PARP1: variants seen among roughly 807,000 people sequenced by gnomAD.
PARP1 encodes poly [ADP-ribose] polymerase 1.
In PARP1, 44 loss-of-function variants were observed where a neutral mutation model predicts 118.7. The ratio of observed to expected loss-of-function variants is 0.37; its 90% CI spans 0.29 to 0.48. The LOEUF (loss-of-function observed/expected upper bound fraction) is 0.48, where lower values mean the gene tolerates loss of function less well. PARP1 is among the 20% of genes least tolerant of loss of function. The pLI, the probability that PARP1 is intolerant of heterozygous loss-of-function variation, is 0.99. For missense variants in PARP1, 1,100 were observed against 1,272.4 expected, an observed-to-expected ratio of 0.86 and a Z score of 2.06; for synonymous variants, 492 against 483.2, an observed-to-expected ratio of 1.02 and a Z score of -0.24.
intron 5 of PARP1, among the ~76,000 whole-genome samples, chr1:226,388,266 G>T (rs940543756): frequency 3.3e-5 from 5 of 152,200 alleles, no homozygotes; most frequent in African/African-American, 1.2e-4. Flanking sequence ...TCTATGCTAA[G>T]AATCTTTGGC....
chr1:226,385,686 G>A lies in PARP1; in HGVS notation c.835-6C>T, dbSNP rs1426976809. On this transcript the variant is annotated splice_polypyrimidine_tract_variant and splice_region_variant and intron_variant, in intron 6 of 22. Coordinates refer to ENST00000366794, the MANE Select transcript of PARP1 (RefSeq NM_001618.4). ...TCAGCTACTCGGTCCAAGATCTGCAGCCAGTGGAGAAACATGTCAGAGGGC... is the reference window on the plus strand; with the variant it reads ...TCAGCTACTCGGTCCAAGATCTGCAACCAGTGGAGAAACATGTCAGAGGGC... The A allele has an allele frequency of 3.7e-6, 6 of 1,613,910 alleles. No homozygotes were observed. The highest frequency in any genetic ancestry group is 5.1e-6 in the Non-Finnish European group (6 of 1,179,784).
At chr1:226,394,576 C>T (rs1664878281) in intron 2 of PARP1, among the ~76,000 whole-genome samples, 1 of 152,170 alleles carries the variant, frequency 6.6e-6, no homozygotes, top group African/African-American at 2.4e-5. Context: ...AAGTTTGCAG[C>T]AGCTCTACGT....
intron 8 of PARP1, 139 bp downstream of exon 8, chr1:226,382,897 G>A: frequency 3.2e-6 from 3 of 928,750 alleles, no homozygotes. Flanking sequence ...ATCCCCTGCA[G>A]GGCAAGGCTT....
At chr1:226,400,663 C>G (rs957846300) in intron 2 of PARP1, among the ~76,000 whole-genome samples, 1 of 152,188 alleles carries the variant, frequency 6.6e-6, no homozygotes, top group Non-Finnish European at 1.5e-5. Context: ...TCTTTCAAAA[C>G]CAGGGACTGA....
intron 13 of PARP1, among the ~76,000 whole-genome samples, chr1:226,376,292 A>G (rs1336316493): frequency 1.3e-5 from 2 of 152,278 alleles, no homozygotes; most frequent in East Asian, 1.9e-4. Flanking sequence ...AGCATTTTGC[A>G]AAGAAAAAAG....
rs149379562 is a variant in PARP1 at position 226,392,352 on chromosome 1, G to T, written c.287-38C>A. The T allele has an allele frequency of 1.3e-3, 1,918 of 1,445,826 alleles. 24 individuals carry two copies. The African/African-American group carries it at 0.024, about 18-fold the overall frequency. The allele number at this position is 1,445,826 out of a possible 1,614,324, so 89.6% of individuals were successfully genotyped here. On this transcript the variant is annotated intron_variant, in intron 2 of 22. Transcript: ENST00000366794. ...ACAGACAGCAATGCTCATCTCAACA[G>T]CCCCAAAATGCAGCTCAGAGGAGCC...
At chr1:226,388,581 G>T (rs1000277161) in intron 5 of PARP1, 75 bp downstream of exon 5, 10 of 1,056,794 alleles carry the variant, frequency 9.5e-6, no homozygotes, top group Non-Finnish European at 1.5e-5. Context: ...ACAACTCCTT[G>T]AATTGTCTTC....
At position 226,370,617 on chromosome 1, in the gene PARP1, C is replaced by T. The variant is rs116578167; in HGVS notation, c.2071-100G>A. On this transcript the variant is annotated intron_variant, in intron 14 of 22. Coordinates refer to ENST00000366794, the MANE Select transcript of PARP1 (RefSeq NM_001618.4). ...CCCACCCTCAGGCCCCCAACAGGAGCAGTCAGGAGCCTGCTGGGATTTCCT... is the reference window on the plus strand; with the variant it reads ...CCCACCCTCAGGCCCCCAACAGGAGTAGTCAGGAGCCTGCTGGGATTTCCT... 4,835 of 899,564 alleles carry T rather than the reference C, an allele frequency of 5.4e-3. 20 individuals are homozygous for T. Among genetic ancestry groups the T allele is most frequent in the Non-Finnish European group, 7.5e-3 (4,019 of 537,912 alleles). The allele number at this position is 899,564 out of a possible 1,614,324, so 55.7% of individuals were successfully genotyped here. A position where few individuals can be genotyped will look rare whatever the true frequency, so the allele number is the denominator to read the frequency against.
chr1:226,408,073 G>C lies in PARP1; in HGVS notation c.-144C>G, dbSNP rs975423673. The C allele has an allele frequency of 2.5e-6, 3 of 1,193,424 alleles. No individual in the cohort carries two copies. Among genetic ancestry groups the C allele is most frequent in the African/African-American group, 1.5e-5 (1 of 66,244 alleles). The allele number at this position is 1,193,424 out of a possible 1,614,324, so 73.9% of individuals were successfully genotyped here. A position where few individuals can be genotyped will look rare whatever the true frequency, so the allele number is the denominator to read the frequency against. On this transcript the variant is annotated 5_prime_UTR_variant, in exon 1 of 23. Transcript: ENST00000366794. ...CACCGAACACGCCGCACCGGCCACCGCCGTTCCCTGATAGATTGCTGATGC... is the reference window on the plus strand; with the variant it reads ...CACCGAACACGCCGCACCGGCCACCCCCGTTCCCTGATAGATTGCTGATGC...
At chr1:226,379,041 G>A (rs1302494425) in intron 12 of PARP1, 101 bp downstream of exon 12, 1 of 1,381,788 alleles carries the variant, frequency 7.2e-7, no homozygotes, top group African/African-American at 1.4e-5. Context: ...CATTCCCCAG[G>A]CACTGGGCCT....
rs535229892 is a variant in PARP1 at position 226,365,462 on chromosome 1, C to A, written c.2506-308G>T. On this transcript the variant is annotated intron_variant, in intron 18 of 22. Transcript: ENST00000366794. ...TGGGGACAGGAAATGTCCTTTAAAA[C>A]AGAATAAAAAGCCATCCCCAAACTA... Among the ~76,000 whole-genome samples, 4 of 152,272 alleles carry A rather than the reference C, an allele frequency of 2.6e-5. No homozygotes were observed. In the South Asian group the frequency reaches 8.3e-4, roughly 32 times the overall value.
At chr1:226,362,548 G>C (rs1437745157) in intron 21 of PARP1, among the ~76,000 whole-genome samples, 2 of 152,206 alleles carry the variant, frequency 1.3e-5, no homozygotes, top group African/African-American at 2.4e-5. Flanking sequence ...AATGAGAACA[G>C]TGGCAGTACC....
chr1:226,370,507 T>C lies in PARP1; in HGVS notation c.2081A>G (p.Gln694Arg), dbSNP rs749893349. The C allele has an allele frequency of 1.2e-6, 2 of 1,613,514 alleles. No homozygotes were observed. The highest frequency in any genetic ancestry group is 1.3e-5 in the African/African-American group (1 of 74,860). Reference sequence around the variant, plus strand: ...GCTCAGCTTCCCCAAGGGCATCTTCTGAAGGTCGATCTGAGGAGACAGGGG... The same window carrying C: ...GCTCAGCTTCCCCAAGGGCATCTTCCGAAGGTCGATCTGAGGAGACAGGGG... ...KAMVEYEIDL[Q>R]KMPLGKLSKR... Residue 694 changes from glutamine (Q) to arginine (R), a missense_variant, in exon 15 of 23, where the codon CAG becomes CGG. Gln to Arg is a conservative substitution (Grantham distance 43, BLOSUM62 1). Coordinates refer to ENST00000366794, the MANE Select transcript of PARP1 (RefSeq NM_001618.4).
intron 2 of PARP1, among the ~76,000 whole-genome samples, chr1:226,398,387 A>T (rs540450880): frequency 3.4e-4 from 52 of 152,222 alleles, no homozygotes; most frequent in Admixed American, 1.2e-3. Flanking sequence ...CAAAAAATTT[A>T]AAAAAATTAG....
intron 7 of PARP1, among the ~76,000 whole-genome samples, chr1:226,384,163 C>T (rs1664673453): frequency 6.6e-6 from 1 of 152,256 alleles, no homozygotes; most frequent in Non-Finnish European, 1.5e-5. Context: ...TGCCTAAGCA[C>T]AGCCATCTGA....
chr1:226,371,106 G>A (rs1664374303), intron 14 of PARP1: 1 of 157,206 alleles, frequency 6.4e-6, no homozygotes, highest in African/African-American at 2.4e-5. Context: ...ATCAAGAGAA[G>A]CTGCAGTGGA....
intron 15 of PARP1, 96 bp from the exon 16 acceptor site, chr1:226,368,417 T>G (rs984092387): frequency 3.9e-6 from 6 of 1,521,636 alleles, no homozygotes; most frequent in Non-Finnish European, 4.5e-6. Flanking sequence ...CTGCAGCAGG[T>G]CCAGAAGTAG....
At chr1:226,378,838 A>C (rs1314508378) in intron 12 of PARP1, among the ~76,000 whole-genome samples, 1 of 152,232 alleles carries the variant, frequency 6.6e-6, no homozygotes, top group African/African-American at 2.4e-5. Flanking sequence ...ATTTCAAAAA[A>C]CAAAACAAAT....
At position 226,364,992 on chromosome 1, in the gene PARP1, A is replaced by AG; in HGVS notation, c.2658+9dup. The AG allele has an allele frequency of 2.5e-6, 4 of 1,613,468 alleles. No individual in the cohort carries two copies. Among genetic ancestry groups the AG allele is most frequent in the Non-Finnish European group, 3.4e-6 (4 of 1,179,982 alleles). ...GGCATTGCCCACCCCTCGCCAGGCC[A>AG]GGCACATACCACGGGCGCTTCAGGC... On this transcript the variant is annotated intron_variant, in intron 19 of 22. Transcript: ENST00000366794.
Sources: gnomAD v4.1 joint callset for allele counts (sites outside exome capture counted in the v4.1 genomes callset) on GRCh38, gnomAD v4.1.1 for gene constraint, MANE v1.5 for transcripts, NCBI Gene and HGNC (gene_info 2026-07-23, HGNC 2026-07-21) for gene names.